Variants in COL25A1 observed in about 807,000 individuals in gnomAD.
COL25A1 encodes collagen alpha-1(XXV) chain.
In COL25A1, 103 loss-of-function variants were observed where a neutral mutation model predicts 128.4. That is an observed-to-expected ratio of 0.80 (90% CI 0.68 to 0.94). COL25A1 has a LOEUF of 0.94. COL25A1 is among the 40% of genes least tolerant of loss of function. COL25A1 has a pLI of 0.00. For synonymous variants in COL25A1, 279 were observed against 277.2 expected (o/e 1.01, Z -0.06); for missense variants, 745 against 840.0 (o/e 0.89, Z 1.40).
intron 3 of COL25A1, among the ~76,000 whole-genome samples, chr4:109,218,372 T>TTTTTTG (rs2126206727): frequency 2.6e-5 from 2 of 77,978 alleles, no homozygotes; most frequent in African/African-American, 1.0e-4. Context: ...TTTTTTTTTT[T>TTTTTTG]TTTTTTTTTT....
intron 30 of COL25A1, among the ~76,000 whole-genome samples, chr4:108,842,606 T>A (rs1002792854): frequency 1.3e-5 from 2 of 152,332 alleles, no homozygotes; most frequent in South Asian, 4.1e-4. Context: ...ATGTCCACAT[T>A]AGAATAATAT....
intron 3 of COL25A1, among the ~76,000 whole-genome samples, chr4:109,194,930 G>A (rs1382524937): frequency 6.6e-6 from 1 of 152,142 alleles, no homozygotes; most frequent in East Asian, 1.9e-4. Flanking sequence ...GGTGGCTATA[G>A]TCAATAATAA....
chr4:109,288,773 G>A (rs184752140), intron 3 of COL25A1, among the ~76,000 whole-genome samples: 240 of 152,108 alleles, frequency 1.6e-3, no homozygotes, highest in African/African-American at 5.3e-3. Flanking sequence ...TGCAAGCATA[G>A]CAATTAGCAC....
intron 36 of COL25A1, among the ~76,000 whole-genome samples, chr4:108,818,143 G>A (rs1731423470): frequency 6.6e-6 from 1 of 151,998 alleles, no homozygotes; most frequent in Non-Finnish European, 1.5e-5. Flanking sequence ...CACAAATAAC[G>A]CAGGAAGAGT....
chr4:108,990,680 A>C (rs1754148598), intron 6 of COL25A1, among the ~76,000 whole-genome samples: 1 of 152,316 alleles, frequency 6.6e-6, no homozygotes, highest in South Asian at 2.1e-4. Context: ...TTATGTGAGA[A>C]GGTATATATG....
chr4:109,016,966 C>T (rs921949680), intron 5 of COL25A1, among the ~76,000 whole-genome samples: 1 of 152,240 alleles, frequency 6.6e-6, no homozygotes, highest in Non-Finnish European at 1.5e-5. Context: ...CCCTCATTCG[C>T]CATGTTGCGA....
At position 108,913,261 on chromosome 4, in the gene COL25A1, C is replaced by CTTTTTTTTTTTTTTTTTTTTTTTT. The variant is rs201929872; in HGVS notation, c.780+4910_780+4911insAAAAAAAAAAAAAAAAAAAAAAAA. The stretch of plus-strand genomic sequence containing the variant: ...TTTGTGTGGTCTCTGTCTCTAGCTC[C>CTTTTTTTTTTTTTTTTTTTTTTTT]TTTTTTTTTTTTTTTTTTTTTTAAG... On this transcript the variant is annotated intron_variant, in intron 13 of 37. Transcript: ENST00000399132. Among the ~76,000 whole-genome samples, 4 of 92,396 alleles carry CTTTTTTTTTTTTTTTTTTTTTTTT rather than the reference C, an allele frequency of 4.3e-5. 1 individual carries two copies. Among genetic ancestry groups the CTTTTTTTTTTTTTTTTTTTTTTTT allele is most frequent in the Non-Finnish European group, 8.5e-5 (4 of 47,254 alleles). 60.6% of individuals were successfully genotyped at this position (92,396 alleles called of 152,430 possible). A position where few individuals can be genotyped will look rare whatever the true frequency, so the allele number is the denominator to read the frequency against.
chr4:108,861,910 A>T (rs1737267736), intron 22 of COL25A1, among the ~76,000 whole-genome samples: 1 of 152,198 alleles, frequency 6.6e-6, no homozygotes, highest in Non-Finnish European at 1.5e-5. Flanking sequence ...TGCCAATAAC[A>T]TTGATCATAA....
intron 3 of COL25A1, among the ~76,000 whole-genome samples, chr4:109,261,483 G>A (rs550201012): frequency 7.2e-5 from 11 of 152,072 alleles, no homozygotes; most frequent in Admixed American, 2.6e-4. Flanking sequence ...AGCCAAGATC[G>A]TGCCATGGCC....
chr4:109,234,585 C>G (rs190736866), intron 3 of COL25A1, among the ~76,000 whole-genome samples: 5 of 152,010 alleles, frequency 3.3e-5, no homozygotes, highest in Non-Finnish European at 1.5e-5. Flanking sequence ...TCTTAGATAA[C>G]AAAAAAACTT....
chr4:108,966,686 C>G (rs1374129364), intron 8 of COL25A1, among the ~76,000 whole-genome samples: 1 of 151,772 alleles, frequency 6.6e-6, no homozygotes, highest in African/African-American at 2.4e-5. Flanking sequence ...CCTGTCTCTA[C>G]TAAAAATTAA....
At chr4:108,993,750 C>T (rs1326819902) in intron 6 of COL25A1, among the ~76,000 whole-genome samples, 1 of 151,910 alleles carries the variant, frequency 6.6e-6, no homozygotes, top group African/African-American at 2.4e-5. Context: ...ATCCCAGCTA[C>T]TCCAGAGGCT....
intron 5 of COL25A1, among the ~76,000 whole-genome samples, chr4:109,023,347 A>T (rs1757940734): frequency 1.3e-5 from 2 of 152,218 alleles, no homozygotes; most frequent in Non-Finnish European, 2.9e-5. Context: ...ACAAGGGAAG[A>T]AGTCACACAG....
chr4:108,904,318 A>G (rs1743203443), intron 13 of COL25A1, among the ~76,000 whole-genome samples: 1 of 152,168 alleles, frequency 6.6e-6, no homozygotes. Flanking sequence ...ACATGTATAC[A>G]TATACACATA....
chr4:109,157,994 C>A (rs914211728), intron 3 of COL25A1, among the ~76,000 whole-genome samples: 3 of 152,174 alleles, frequency 2.0e-5, no homozygotes, highest in Non-Finnish European at 4.4e-5. Context: ...CCTGTGAATA[C>A]TTCTATATAA....
At chr4:109,093,694 A>C (rs922111195) in intron 3 of COL25A1, among the ~76,000 whole-genome samples, 1 of 152,102 alleles carries the variant, frequency 6.6e-6, no homozygotes, top group African/African-American at 2.4e-5. Flanking sequence ...AAAGTAAAAT[A>C]CTGTAGTTCA....
intron 3 of COL25A1, among the ~76,000 whole-genome samples, chr4:109,122,810 G>A (rs922245163): frequency 2.0e-5 from 3 of 152,110 alleles, no homozygotes; most frequent in Non-Finnish European, 2.9e-5. Context: ...AACTTTCCAG[G>A]AAAATATGGA....
chr4:109,157,908 C>G (rs1329860061), intron 3 of COL25A1, among the ~76,000 whole-genome samples: 1 of 152,218 alleles, frequency 6.6e-6, no homozygotes, highest in Non-Finnish European at 1.5e-5. Flanking sequence ...GGCGCTAAAG[C>G]ACATGCAGGA....
intron 3 of COL25A1, among the ~76,000 whole-genome samples, chr4:109,146,691 G>C (rs984971476): frequency 6.6e-6 from 1 of 152,224 alleles, no homozygotes; most frequent in East Asian, 1.9e-4. Context: ...AGGTGAACCT[G>C]TCAAGAGGCA....
Sources: allele counts gnomAD v4.1 joint callset (sites outside exome capture counted in the v4.1 genomes callset), GRCh38; gene constraint gnomAD v4.1.1; transcripts MANE v1.5; gene names NCBI Gene and HGNC (gene_info 2026-07-23, HGNC 2026-07-21).